The following THAP9 variants were observed in gnomAD, a reference collection of about 807,000 sequenced individuals.
THAP9 encodes the protein THAP domain containing 9.
In THAP9, 20 loss-of-function variants were observed where a neutral mutation model predicts 35.7. The ratio of observed to expected loss-of-function variants is 0.56; its 90% CI spans 0.39 to 0.81. The LOEUF is 0.81. THAP9 is among the 40% of genes least tolerant of loss of function. THAP9 has a pLI of 0.00. For missense variants in THAP9, 870 were observed against 1,047.4 expected, an observed-to-expected ratio of 0.83 and a Z score of 2.34; for synonymous variants, 335 against 373.7, an observed-to-expected ratio of 0.90 and a Z score of 1.19.
At chr4:82,913,012 TA>T (rs1364972903) in intron 4 of THAP9, among the ~76,000 whole-genome samples, 1 of 152,192 alleles carries the variant, frequency 6.6e-6, no homozygotes, top group Non-Finnish European at 1.5e-5. Context: ...ATAAAGACAT[TA>T]ACAGTAACTT....
Position 82,906,494 on chromosome 4 carries a change from C to CA in THAP9, c.454dup (p.Arg152LysfsTer21), listed in dbSNP as rs1331622404. 1 of 1,613,184 alleles carries CA rather than the reference C, an allele frequency of 6.2e-7. No individual in the cohort carries two copies. The highest frequency in any genetic ancestry group is 1.7e-5 in the Admixed American group (1 of 59,944). On this transcript the variant is annotated frameshift_variant, in exon 3 of 5. Coordinates refer to ENST00000302236, the MANE Select transcript of THAP9 (RefSeq NM_024672.6). LOFTEE classifies it high-confidence loss of function. Reference sequence around the variant, plus strand: ...AGGTGCAACAAATGTTACAAGTGTCCAAAAAAAGACTTATCTCCGTAAAGA... The same window carrying CA: ...AGGTGCAACAAATGTTACAAGTGTCCAAAAAAAAGACTTATCTCCGTAAAGA...
At position 82,907,851 on chromosome 4, in the gene THAP9, C is replaced by T; in HGVS notation, c.647C>T (p.Ala216Val). ...TACTCCGCAGAAATGAAACAATTTG[C>T]ATGTACACTCTACTTGTGCAGTAGC... Reference protein sequence around the residue: ...DEYSAEMKQFACTLYLCSSKV... With the variant: ...DEYSAEMKQFVCTLYLCSSKV... The change falls in exon 4 of 5, where the codon GCA becomes GTA. Residue 216 changes from alanine (A) to valine (V), a missense_variant. Ala to Val is a moderately conservative substitution (Grantham distance 64). Transcript: ENST00000302236. 1 of 1,610,720 alleles carries T rather than the reference C, an allele frequency of 6.2e-7. No individual in the cohort carries two copies. Among genetic ancestry groups the T allele is most frequent in the South Asian group, 1.1e-5 (1 of 89,972 alleles).
chr4:82,910,980 G>A (rs983195231), intron 4 of THAP9, among the ~76,000 whole-genome samples: 1 of 152,186 alleles, frequency 6.6e-6, no homozygotes, highest in Non-Finnish European at 1.5e-5. Flanking sequence ...CTCTTCCATG[G>A]AGTTTTGCTA....
chr4:82,910,438 T>TA (rs11306469), intron 4 of THAP9, among the ~76,000 whole-genome samples: 2,096 of 148,118 alleles, frequency 0.014, 49 homozygotes, highest in African/African-American at 0.049. Flanking sequence ...CCAAGTTAAA[T>TA]AAAAAAAAAA....
intron 1 of THAP9, among the ~76,000 whole-genome samples, chr4:82,901,886 A>G (rs560933450): frequency 2.5e-4 from 38 of 152,122 alleles, no homozygotes; most frequent in Non-Finnish European, 4.7e-4. Flanking sequence ...TTGAGTATTT[A>G]CTGATGTCTG....
At chr4:82,906,190 G>C in intron 2 of THAP9, 134 bp from the exon 3 acceptor site, 1 of 713,346 alleles carries the variant, frequency 1.4e-6, no homozygotes, top group Non-Finnish European at 2.2e-6. Context: ...AAAACATTCA[G>C]AGATTATGAC....
chr4:82,913,103 T>G (rs1219492265), intron 4 of THAP9: 1 of 152,192 alleles, frequency 6.6e-6, no homozygotes, highest in East Asian at 1.9e-4. Flanking sequence ...TTTTTTATTT[T>G]CAGAGACGAA....
chr4:82,901,208 A>G (rs897115041), intron 1 of THAP9: 6 of 564,592 alleles, frequency 1.1e-5, no homozygotes, highest in Admixed American at 8.8e-5. Flanking sequence ...GTTTAGGACA[A>G]CGGTTGAAGT....
At chr4:82,905,838 G>A (rs1720623275) in intron 2 of THAP9, 1 of 455,530 alleles carries the variant, frequency 2.2e-6, no homozygotes, top group Admixed American at 2.4e-5. Context: ...AAAGAATCCT[G>A]TATTATTATC....
chr4:82,901,092 G>T (rs369793921), intron 1 of THAP9: 1 of 712,562 alleles, frequency 1.4e-6, no homozygotes. Flanking sequence ...CCTCTGAATA[G>T]CCGGTTCTCG....
Position 82,917,237 on chromosome 4 carries a change from T to G in THAP9, c.1025T>G (p.Val342Gly). The G allele has an allele frequency of 1.2e-6, 2 of 1,614,166 alleles. No individual in the cohort carries two copies. Among genetic ancestry groups the G allele is most frequent in the Non-Finnish European group, 1.7e-6 (2 of 1,180,008 alleles). Residue 342 changes from valine (V) to glycine (G), a missense_variant, in exon 5 of 5, where the codon GTA becomes GGA. This residue lies in a region of THAP9 where 440 missense variants were observed against 501.2 expected (regional missense o/e 0.88). Coordinates refer to ENST00000302236, the MANE Select transcript of THAP9 (RefSeq NM_024672.6). ...AGAACACCTCTTGGTTATTTTTTTGTAAACAGAGCATCTGGATATTTGCAG... is the reference window on the plus strand; with the variant it reads ...AGAACACCTCTTGGTTATTTTTTTGGAAACAGAGCATCTGGATATTTGCAG... ...HWRTPLGYFFVNRASGYLQAQ... is the reference protein window; with the variant it reads ...HWRTPLGYFFGNRASGYLQAQ...
Position 82,900,880 on chromosome 4 carries a change from C to T in THAP9, c.78C>T (p.His26=), listed in dbSNP as rs1156599773. Residue 26 remains histidine (H), a splice_region_variant and synonymous_variant, in exon 1 of 5, where the codon CAC becomes CAT. Coordinates refer to ENST00000302236, the MANE Select transcript of THAP9 (RefSeq NM_024672.6). ...GCCGGGAGCGCGGCCTCTCCTTCCACCAGTGCGTATGGGAGCAGCCTCGAA... is the reference window on the plus strand; with the variant it reads ...GCCGGGAGCGCGGCCTCTCCTTCCATCAGTGCGTATGGGAGCAGCCTCGAA... ...VLSRERGLSF[H]QFPTDTIQRS... The T allele has an allele frequency of 6.2e-7, 1 of 1,613,370 alleles. No individual in the cohort carries two copies. The highest frequency in any genetic ancestry group is 8.5e-7 in the Non-Finnish European group (1 of 1,179,996).
At position 82,917,191 on chromosome 4, in the gene THAP9, G is replaced by A. The variant is rs1402419051; in HGVS notation, c.979G>A (p.Val327Met). Reference protein sequence around the residue: ...LASETVLLMAVGIFGHWRTPL... With the variant: ...LASETVLLMAMGIFGHWRTPL... ...TTCAGAAACTGTTTTGTTAATGGCA[G>A]TGGGTATTTTTGGCCATTGGAGAAC... is the stretch of plus-strand genomic sequence containing the variant. The change falls in exon 5 of 5, where the codon GTG becomes ATG. Residue 327 changes from valine to methionine, a missense_variant. This residue lies in a region of THAP9 where 440 missense variants were observed against 501.2 expected (regional missense o/e 0.88). Coordinates refer to ENST00000302236, the MANE Select transcript of THAP9 (RefSeq NM_024672.6). 6.2e-7 allele frequency: 1 copy of A among 1,614,106 alleles called. No individual in the cohort carries two copies. Among genetic ancestry groups the A allele is most frequent in the East Asian group, 2.2e-5 (1 of 44,884 alleles).
intron 1 of THAP9, chr4:82,901,103 C>T: frequency 1.4e-6 from 1 of 700,930 alleles, no homozygotes. Flanking sequence ...CCGGTTCTCG[C>T]ACCGCCTACC....
chr4:82,911,810 A>G (rs1720876574), intron 4 of THAP9, among the ~76,000 whole-genome samples: 1 of 152,234 alleles, frequency 6.6e-6, no homozygotes. Context: ...AAAGGAGAAA[A>G]TGTGACCAGT....
At chr4:82,909,436 G>C (rs1041392605) in intron 4 of THAP9, among the ~76,000 whole-genome samples, 1 of 151,906 alleles carries the variant, frequency 6.6e-6, no homozygotes, top group Admixed American at 6.6e-5. Flanking sequence ...GTGTGTGTGT[G>C]TGTGCACTTA....
chr4:82,911,949 T>C (rs1268055169), intron 4 of THAP9, among the ~76,000 whole-genome samples: 1 of 152,206 alleles, frequency 6.6e-6, no homozygotes, highest in Non-Finnish European at 1.5e-5. Flanking sequence ...CAGACCAAAC[T>C]AGACTTAAAT....
chr4:82,916,822 C>A, intron 4 of THAP9, 122 bp from the exon 5 acceptor site: 1 of 669,636 alleles, frequency 1.5e-6, no homozygotes, highest in Non-Finnish European at 2.3e-6. Context: ...TAGAATTTGG[C>A]TGCTTATATA....
rs199955122 is a variant in THAP9 at position 82,900,798 on chromosome 4, A to C, written c.-5A>C. ...CCCGAAGGTGGGGCCCCACGTAACA[A>C]GAAGATGACCCGAAGTTGCTCCGCA... On this transcript the variant is annotated 5_prime_UTR_variant, in exon 1 of 5. Coordinates refer to ENST00000302236, the MANE Select transcript of THAP9 (RefSeq NM_024672.6). The C allele has an allele frequency of 1.4e-3, 2,189 of 1,613,644 alleles. 22 individuals carry two copies. The African/African-American group carries it at 0.024, about 18-fold the overall frequency.
Sources: gnomAD v4.1 joint callset for allele counts (sites outside exome capture counted in the v4.1 genomes callset) on GRCh38, gnomAD v4.1.1 for gene constraint, gnomAD v4.1.1 regional missense constraint, MANE v1.5 for transcripts, NCBI Gene and HGNC (gene_info 2026-07-23, HGNC 2026-07-21) for gene names.